Variants in GLIS3 observed in about 807,000 individuals in gnomAD.
GLIS3 encodes zinc finger protein GLIS3.
A neutral mutation model predicts 78.6 loss-of-function variants in GLIS3; 53 were observed. That is an observed-to-expected ratio of 0.67 (90% CI 0.54 to 0.85). The LOEUF (loss-of-function observed/expected upper bound fraction) is 0.85, where lower values mean the gene tolerates loss of function less well. GLIS3 is among the 40% of genes least tolerant of loss of function. The pLI is 0.00. For synonymous variants in GLIS3, 684 were observed against 509.9 expected (o/e 1.34, Z -4.60); for missense variants, 1,703 against 1,231.1 (o/e 1.38, Z -5.74).
chr9:4,342,267 G>A (rs1012359683), intron 2 of GLIS3, among the ~76,000 whole-genome samples: 1 of 152,070 alleles, frequency 6.6e-6, no homozygotes, highest in Non-Finnish European at 1.5e-5. Flanking sequence ...TAATTTTTGT[G>A]TATGATGAAA....
intron 2 of GLIS3, among the ~76,000 whole-genome samples, chr9:4,168,955 A>T (rs1479344977): frequency 1.3e-5 from 2 of 152,252 alleles, no homozygotes; most frequent in Non-Finnish European, 2.9e-5. Flanking sequence ...TAGAAAAAAT[A>T]TGAGTTATTT....
intron 4 of GLIS3, among the ~76,000 whole-genome samples, chr9:4,085,395 A>C (rs1364263028): frequency 6.6e-6 from 1 of 152,038 alleles, no homozygotes; most frequent in East Asian, 1.9e-4. Flanking sequence ...CTGTACCAGC[A>C]GAGCTCACCA....
At chr9:4,292,747 G>A (rs1816127575) in intron 1 of GLIS3, among the ~76,000 whole-genome samples, 1 of 152,136 alleles carries the variant, frequency 6.6e-6, no homozygotes. Context: ...TTTCATTGCA[G>A]GGGATAGGTA....
chr9:3,869,695 C>T (rs534323646), intron 8 of GLIS3, among the ~76,000 whole-genome samples: 2 of 152,284 alleles, frequency 1.3e-5, no homozygotes, highest in South Asian at 4.1e-4. Context: ...AGGCATTCCC[C>T]TCATTGGTCT....
intron 8 of GLIS3, chr9:3,875,632 C>T (rs138392695): frequency 4.9e-4 from 75 of 152,256 alleles, no homozygotes; most frequent in African/African-American, 1.7e-3. Flanking sequence ...AGCACATTTC[C>T]TCTTAGTGTT....
intron 4 of GLIS3, among the ~76,000 whole-genome samples, chr9:4,013,842 C>T (rs2130067137): frequency 6.6e-6 from 1 of 152,230 alleles, no homozygotes; most frequent in South Asian, 2.1e-4. Flanking sequence ...AGGGACGAGG[C>T]AAAGCACATG....
chr9:4,405,224 C>T, the GLIS3 span, among the ~76,000 whole-genome samples: 1 of 151,914 alleles, frequency 6.6e-6, no homozygotes, highest in Non-Finnish European at 1.5e-5. Flanking sequence ...TTTGGTGGTG[C>T]ACGCCTATAA....
intron 2 of GLIS3, among the ~76,000 whole-genome samples, chr9:4,139,804 T>A (rs144219739): frequency 1.1e-3 from 162 of 152,292 alleles, no homozygotes; most frequent in Non-Finnish European, 2.0e-3. Context: ...TCTGCCTCTA[T>A]GAGAATCTAA....
At chr9:4,487,976 G>C in the GLIS3 span, among the ~76,000 whole-genome samples, 1 of 152,176 alleles carries the variant, frequency 6.6e-6, no homozygotes, top group East Asian at 1.9e-4. Context: ...ATAATTGTGA[G>C]CCAACACGCC....
intron 4 of GLIS3, among the ~76,000 whole-genome samples, chr9:4,052,580 G>A (rs1825818886): frequency 6.6e-6 from 1 of 152,168 alleles, no homozygotes; most frequent in Non-Finnish European, 1.5e-5. Flanking sequence ...GAAACTGAAT[G>A]ATACAATATG....
At chr9:4,259,523 G>C (rs1222273487) in intron 2 of GLIS3, among the ~76,000 whole-genome samples, 1 of 152,124 alleles carries the variant, frequency 6.6e-6, no homozygotes, top group Non-Finnish European at 1.5e-5. Flanking sequence ...TATTTACCAA[G>C]CTGTTGACAA....
At chr9:4,163,233 C>T (rs1202539020) in intron 2 of GLIS3, among the ~76,000 whole-genome samples, 1 of 144,554 alleles carries the variant, frequency 6.9e-6, no homozygotes, top group East Asian at 2.1e-4. Context: ...CATGTGCACG[C>T]ATGTGCACTG....
intron 1 of GLIS3, among the ~76,000 whole-genome samples, chr9:4,287,053 C>T (rs1177234700): frequency 3.3e-5 from 5 of 152,160 alleles, no homozygotes; most frequent in African/African-American, 9.7e-5. Context: ...AAGATGAACA[C>T]CTAGGCCTGG....
chr9:3,938,938 C>G (rs1050757212), intron 4 of GLIS3, among the ~76,000 whole-genome samples: 1 of 152,176 alleles, frequency 6.6e-6, no homozygotes, highest in African/African-American at 2.4e-5. Flanking sequence ...GACCAAACCT[C>G]TGTTTTTAGG....
rs1159689759 is a variant in GLIS3, at chr9:3,907,695, C to T, written c.1984-8860G>A. On this transcript the variant is annotated intron_variant, in intron 6 of 10. Coordinates refer to ENST00000381971, the MANE Select transcript of GLIS3 (RefSeq NM_001042413.2). ...CCTTTGCCTCAAAGTGAGACAAATG[C>T]TGAGACGTTATGTTCCAGAGCTCCC... Among the ~76,000 whole-genome samples, 4 of 151,612 alleles carry T rather than the reference C, an allele frequency of 2.6e-5. No homozygotes were observed. In the East Asian group the frequency reaches 7.8e-4, roughly 30 times the overall value.
chr9:3,882,203 A>G (rs1821775972), intron 7 of GLIS3, among the ~76,000 whole-genome samples: 1 of 145,906 alleles, frequency 6.9e-6, no homozygotes, highest in Non-Finnish European at 1.5e-5. Context: ...TTGAGTAAAC[A>G]AAGATGAACA....
intron 2 of GLIS3, 28 bp from the exon 3 acceptor site, chr9:4,125,969 T>C: frequency 6.5e-7 from 1 of 1,546,654 alleles, no homozygotes; most frequent in Non-Finnish European, 8.9e-7. Flanking sequence ...AGGTTAGCTT[T>C]CATGTCCCTT....
chr9:4,051,262 G>A (rs1205162280), intron 4 of GLIS3, among the ~76,000 whole-genome samples: 2 of 152,188 alleles, frequency 1.3e-5, no homozygotes, highest in Non-Finnish European at 2.9e-5. Flanking sequence ...TTTCGAATGT[G>A]GAATGTGGTA....
At chr9:4,353,347 G>A (rs968817042), upstream of GLIS3, among the ~76,000 whole-genome samples, 5 of 152,146 alleles carry the variant, frequency 3.3e-5, no homozygotes, top group African/African-American at 1.2e-4. Context: ...ATTTTGTGAA[G>A]TCTCGGTCCT....
Sources: gnomAD v4.1 joint callset for allele counts (sites outside exome capture counted in the v4.1 genomes callset) on GRCh38, gnomAD v4.1.1 for gene constraint, MANE v1.5 for transcripts, NCBI Gene and HGNC (gene_info 2026-07-23, HGNC 2026-07-21) for gene names.